The following CCDC57 variants were observed in gnomAD, a reference collection of about 807,000 sequenced individuals.
CCDC57 encodes the protein coiled-coil domain-containing protein 57.
A neutral mutation model predicts 118.9 loss-of-function variants in CCDC57; 118 were observed. That is an observed-to-expected ratio of 0.99 (90% CI 0.86 to 1.16). CCDC57 has a LOEUF of 1.16. Among genes scored for constraint, CCDC57 ranks in the 50% most tolerant of loss-of-function variants. The pLI, the probability that CCDC57 is intolerant of heterozygous loss-of-function variation, is 0.00. For missense variants in CCDC57, 1,300 were observed against 1,320.7 expected, an observed-to-expected ratio of 0.98 and a Z score of 0.24; for synonymous variants, 527 against 532.9, an observed-to-expected ratio of 0.99 and a Z score of 0.15.
chr17:82,102,570 A>G (rs1178794330), intron 19 of CCDC57, among the ~76,000 whole-genome samples: 1 of 152,182 alleles, frequency 6.6e-6, no homozygotes, highest in Non-Finnish European at 1.5e-5. Flanking sequence ...TGGTAAAACA[A>G]CAGCAAAATG....
At chr17:82,104,651 GC>G (rs2034711103) in intron 19 of CCDC57, 1 of 152,268 alleles carries the variant, frequency 6.6e-6, no homozygotes, top group African/African-American at 2.4e-5. Context: ...CCATTCTCCT[GC>G]CTCAGCCTCC....
exon 17 of CCDC57, chr17:82,134,178 G>A (rs147415218): frequency 1.7e-5 from 22 of 1,333,286 alleles, no homozygotes; most frequent in Non-Finnish European, 2.0e-5. Context: ...GAGGGAGGGC[G>A]TGGTGCAACA....
At chr17:82,127,484 T>C in intron 19 of CCDC57, 6 of 985,456 alleles carry the variant, frequency 6.1e-6, no homozygotes, top group Non-Finnish European at 7.2e-6. Flanking sequence ...TGGCATGGTT[T>C]CTGCCCTTCA....
intron 13 of CCDC57, among the ~76,000 whole-genome samples, chr17:82,170,748 C>G (rs916520063): frequency 6.6e-6 from 1 of 152,150 alleles, no homozygotes; most frequent in East Asian, 1.9e-4. Flanking sequence ...TGTTGAGTTA[C>G]GGCAGCCCTA....
chr17:82,128,441 C>G, intron 18 of CCDC57, 52 bp downstream of exon 17: 2 of 1,355,068 alleles, frequency 1.5e-6, no homozygotes, highest in South Asian at 2.5e-5. Flanking sequence ...CCCGGCTTCC[C>G]TGCTGGCCAC....
At chr17:82,184,039 A>T in intron 8 of CCDC57, 107 bp from the exon 8 acceptor site, 8 of 408,356 alleles carry the variant, frequency 2.0e-5, no homozygotes, top group Non-Finnish European at 2.8e-5. Context: ...GCGCACACAC[A>T]CACACACACA....
intron 15 of CCDC57, chr17:82,153,865 T>C (rs1478195448): frequency 2.0e-5 from 3 of 152,334 alleles, no homozygotes; most frequent in African/African-American, 7.2e-5. Flanking sequence ...GAAGGAAACT[T>C]TGGTCTGCTG....
At chr17:82,104,613 A>G (rs961197804) in intron 19 of CCDC57, among the ~76,000 whole-genome samples, 4 of 152,142 alleles carry the variant, frequency 2.6e-5, no homozygotes, top group Non-Finnish European at 4.4e-5. Context: ...ATCTCAGCTC[A>G]CTGCAAGCTC....
chr17:82,195,504 A>G, intron 4 of CCDC57, 140 bp from the exon 4 acceptor site: 1 of 690,606 alleles, frequency 1.4e-6, no homozygotes, highest in Non-Finnish European at 2.5e-6. Context: ...CCAGGAGAGA[A>G]GCTGGGGTCA....
intron 13 of CCDC57, among the ~76,000 whole-genome samples, chr17:82,168,379 G>A (rs1416853834): frequency 6.6e-6 from 1 of 152,172 alleles, no homozygotes; most frequent in Admixed American, 6.5e-5. Context: ...TGGATCACCT[G>A]AGGCCAGAAG....
rs766448950 is a variant in CCDC57 at position 82,193,718 on chromosome 17, C to T, written c.851+38G>A. On this transcript the variant is annotated intron_variant, in intron 7 of 19. Transcript: ENST00000665763. ...CCACTTCCCTCCTCTCCTGGGGCCA[C>T]TGACATGCTGCATGATGTTGGGAGC... 10 of 1,552,418 alleles carry T rather than the reference C, an allele frequency of 6.4e-6. No homozygotes were observed. The East Asian group carries it at 2.3e-4, about 36-fold the overall frequency.
chr17:82,189,308 A>ATTTT (rs2047364484), intron 7 of CCDC57, among the ~76,000 whole-genome samples: 1 of 114,644 alleles, frequency 8.7e-6, no homozygotes, highest in African/African-American at 3.1e-5. Flanking sequence ...ATAAATAAAA[A>ATTTT]ATTTAAAAAG....
At chr17:82,149,633 C>T (rs1244753246) in intron 16 of CCDC57, among the ~76,000 whole-genome samples, 5 of 152,232 alleles carry the variant, frequency 3.3e-5, no homozygotes, top group East Asian at 1.9e-4. Flanking sequence ...CAGTGGCCTC[C>T]GACCAGGCCC....
At chr17:82,195,356 C>A in exon 5 of CCDC57, 1 of 1,591,444 alleles carries the variant, frequency 6.3e-7, no homozygotes, top group Non-Finnish European at 8.6e-7. Context: ...CAAACTCCAG[C>A]AGCAGTTCCT....
chr17:82,196,854 GACTCCTGCAGAGACGCAGCCCCTCA>G (rs1568458521), intron 4 of CCDC57, among the ~76,000 whole-genome samples: 1 of 145,080 alleles, frequency 6.9e-6, no homozygotes, highest in Non-Finnish European at 1.5e-5. Context: ...AGCCCCTCGT[GACTCCTGCAGAGACGCAGCCCCTCA>G]TGACTCCTGC....
chr17:82,202,064 C>T, intron 2 of CCDC57, 112 bp from the exon 2 acceptor site: 1 of 1,098,080 alleles, frequency 9.1e-7, no homozygotes, highest in South Asian at 1.6e-5. Context: ...GGCACGGTGG[C>T]TCACACCTGT....
At chr17:82,202,011 ACAGTACCTACCT>A in intron 2 of CCDC57, 59 bp from the exon 2 acceptor site, 5 of 1,434,132 alleles carry the variant, frequency 3.5e-6, no homozygotes, top group Non-Finnish European at 3.7e-6. Flanking sequence ...TTTTCCTACC[ACAGTACCTACCT>A]CACATTCCCT....
intron 11 of CCDC57, among the ~76,000 whole-genome samples, chr17:82,173,733 G>A (rs1315111006): frequency 6.6e-6 from 1 of 152,138 alleles, no homozygotes; most frequent in Non-Finnish European, 1.5e-5. Context: ...CGAGAAAAGA[G>A]ACATGTTACC....
In CCDC57 at chr17:82,189,710, G is replaced by A. The variant is rs377310866; in HGVS notation, c.852-1291C>T. On this transcript the variant is annotated intron_variant, in intron 7 of 19. Coordinates refer to ENST00000665763, the Ensembl canonical transcript of CCDC57. ...ACTAAAAAAAATACAAAAATTAGCC[G>A]GGCATGGTAGCACATCCCTGTGATC... Among the ~76,000 whole-genome samples the A allele has an allele frequency of 3.4e-3, 517 of 152,186 alleles. 5 individuals are homozygous for A. Among genetic ancestry groups the A allele is most frequent in the South Asian group, 0.013 (62 of 4,820 alleles).
Sources: allele counts gnomAD v4.1 joint callset (sites outside exome capture counted in the v4.1 genomes callset), GRCh38; gene constraint gnomAD v4.1.1; transcripts MANE v1.5; gene names NCBI Gene and HGNC (gene_info 2026-07-23, HGNC 2026-07-21).